TOX: variants seen among roughly 807,000 people sequenced by gnomAD.
TOX encodes thymocyte selection-associated high mobility group box protein TOX.
Under a neutral mutation model 53.7 loss-of-function variants are expected in TOX, and 11 were observed. The ratio of observed to expected loss-of-function variants is 0.20; its 90% CI spans 0.13 to 0.34. The LOEUF is 0.34. Ranked by LOEUF, TOX falls within the 10% of genes least tolerant of loss-of-function variation. The probability of loss-of-function intolerance (pLI) is 1.00; values close to 1 mark genes in which losing one functional copy is unlikely to be tolerated. For synonymous variants in TOX, 225 were observed against 245.3 expected, an observed-to-expected ratio of 0.92 and a Z score of 0.77; for missense variants, 570 against 664.6, an observed-to-expected ratio of 0.86 and a Z score of 1.56.
rs186692656 is a variant in TOX at position 59,017,721 on chromosome 8, T to C, written c.103-57713A>G. Reference sequence around the variant, plus strand: ...TTTTTAACTGCAATTCACCAGGTAATATTATTCTGAGTATTATATTACAAA... The same window carrying C: ...TTTTTAACTGCAATTCACCAGGTAACATTATTCTGAGTATTATATTACAAA... On this transcript the variant is annotated intron_variant, in intron 1 of 8. Coordinates refer to ENST00000361421, the MANE Select transcript of TOX (RefSeq NM_014729.3). Among the ~76,000 whole-genome samples the C allele has an allele frequency of 8.5e-5, 13 of 152,322 alleles. No individual in the cohort carries two copies. In the East Asian group the frequency reaches 2.1e-3, roughly 25 times the overall value.
Position 58,939,507 on chromosome 8 carries a change from T to C in TOX, c.206A>G (p.Asn69Ser). ...GGAAGGAGGAGTAATTGGTGGAATGTTGAAGTCTTCACTTTCCAGGCTTGG... is the reference window on the plus strand; with the variant it reads ...GGAAGGAGGAGTAATTGGTGGAATGCTGAAGTCTTCACTTTCCAGGCTTGG... ...PGPSLESEDF[N>S]IPPITPPSLP... is the part of the protein sequence containing the mutation. Residue 69 changes from asparagine (N) to serine (S), a missense_variant, in exon 3 of 9, where the codon AAC becomes AGC. Around this residue, in one of 3 missense-constraint regions of TOX, gnomAD observed 282 missense variants for 315.0 expected, o/e 0.90. Transcript: ENST00000361421. The C allele has an allele frequency of 1.2e-6, 2 of 1,614,160 alleles. No homozygotes were observed. The highest frequency in any genetic ancestry group is 2.2e-5 in the East Asian group (1 of 44,882).
At chr8:59,035,603 T>TA (rs1814444360) in intron 1 of TOX, among the ~76,000 whole-genome samples, 2 of 152,226 alleles carry the variant, frequency 1.3e-5, no homozygotes, top group Non-Finnish European at 2.9e-5. Context: ...ATCTAATCTC[T>TA]CAGAGCCTAT....
At chr8:58,882,382 G>A (rs1811398070) in intron 3 of TOX, among the ~76,000 whole-genome samples, 1 of 152,200 alleles carries the variant, frequency 6.6e-6, no homozygotes. Flanking sequence ...TAGGAAAATA[G>A]ATAATTTCAT....
intron 1 of TOX, among the ~76,000 whole-genome samples, chr8:59,083,578 T>A (rs1036742989): frequency 6.6e-6 from 1 of 152,158 alleles, no homozygotes; most frequent in Non-Finnish European, 1.5e-5. Context: ...TGGAGAATGA[T>A]TATATTTTAT....
intron 1 of TOX, among the ~76,000 whole-genome samples, chr8:58,979,387 T>C (rs1312334535): frequency 6.6e-6 from 1 of 152,234 alleles, no homozygotes; most frequent in Non-Finnish European, 1.5e-5. Flanking sequence ...CACTTGGCAA[T>C]TATCCTGTTA....
chr8:58,819,513 G>T (rs1480277857), intron 6 of TOX, among the ~76,000 whole-genome samples: 15 of 152,182 alleles, frequency 9.9e-5, no homozygotes, highest in Admixed American at 9.8e-4. Context: ...ATAAAGTGGG[G>T]GTCGTGGCCA....
intron 4 of TOX, among the ~76,000 whole-genome samples, chr8:58,843,274 G>C (rs1257049944): frequency 6.6e-6 from 1 of 152,096 alleles, no homozygotes; most frequent in Non-Finnish European, 1.5e-5. Flanking sequence ...CAATCTAAAG[G>C]ATACACATAA....
At chr8:59,029,543 C>G (rs1039999033) in intron 1 of TOX, among the ~76,000 whole-genome samples, 1 of 151,998 alleles carries the variant, frequency 6.6e-6, no homozygotes, top group African/African-American at 2.4e-5. Context: ...TTAAACCTGG[C>G]AAGGAAAAAG....
intron 3 of TOX, among the ~76,000 whole-genome samples, chr8:58,908,863 T>G (rs1160350384): frequency 1.3e-5 from 2 of 152,262 alleles, no homozygotes; most frequent in Non-Finnish European, 2.9e-5. Flanking sequence ...TGCAGCCTGC[T>G]TAAGGCATGG....
intron 1 of TOX, among the ~76,000 whole-genome samples, chr8:59,066,155 G>C (rs1804089673): frequency 1.3e-5 from 2 of 152,308 alleles, no homozygotes; most frequent in South Asian, 4.1e-4. Context: ...CTGGTCTTGT[G>C]AACAGTAAAA....
rs1810462583 is a variant in TOX at position 58,832,000 on chromosome 8, G to A, written c.925-5098C>T. ...CATCATGGAAAATTTCAAATGAAACGTCTGCTTCCATGGTCTCTGAGCGTA... is the reference window on the plus strand; with the variant it reads ...CATCATGGAAAATTTCAAATGAAACATCTGCTTCCATGGTCTCTGAGCGTA... On this transcript the variant is annotated intron_variant, in intron 5 of 8. Coordinates refer to ENST00000361421, the MANE Select transcript of TOX (RefSeq NM_014729.3). Among the ~76,000 whole-genome samples the A allele has an allele frequency of 2.6e-5, 4 of 151,762 alleles. No homozygotes were observed. The South Asian group carries it at 6.2e-4, about 24-fold the overall frequency.
intron 1 of TOX, among the ~76,000 whole-genome samples, chr8:58,992,379 AT>A (rs200956896): frequency 5.9e-4 from 89 of 151,718 alleles, no homozygotes; most frequent in Non-Finnish European, 1.0e-3. Flanking sequence ...GTACAGATTT[AT>A]TTTTTTTTCC....
intron 4 of TOX, among the ~76,000 whole-genome samples, chr8:58,850,364 C>T (rs1810790690): frequency 6.6e-6 from 1 of 152,174 alleles, no homozygotes; most frequent in Non-Finnish European, 1.5e-5. Context: ...ACAGAGCATG[C>T]CCAGAGCCTT....
chr8:59,046,241 A>G lies in TOX; in HGVS notation c.102+72645T>C, dbSNP rs76428813. Among the ~76,000 whole-genome samples the G allele has an allele frequency of 5.5e-3, 834 of 152,334 alleles. 4 individuals carry two copies. Among genetic ancestry groups the G allele is most frequent in the African/African-American group, 0.019 (798 of 41,570 alleles). On this transcript the variant is annotated intron_variant, in intron 1 of 8. Coordinates refer to ENST00000361421, the MANE Select transcript of TOX (RefSeq NM_014729.3). ...CCTACCATGTGCCAGGCCATTTTAT[A>G]TTCAATATACATACAATAAAAAAGT...
chr8:59,084,784 G>A (rs1804478234), intron 1 of TOX, among the ~76,000 whole-genome samples: 2 of 152,142 alleles, frequency 1.3e-5, no homozygotes, highest in South Asian at 4.1e-4. Flanking sequence ...GTTATTAGTA[G>A]CTCTCTTAGG....
chr8:58,941,439 T>A (rs1171343085), intron 2 of TOX, among the ~76,000 whole-genome samples: 1 of 152,190 alleles, frequency 6.6e-6, no homozygotes, highest in African/African-American at 2.4e-5. Context: ...TTGGAAAAGA[T>A]CAACTCAATA....
intron 3 of TOX, among the ~76,000 whole-genome samples, chr8:58,887,466 A>G (rs1811488029): frequency 6.6e-6 from 1 of 151,646 alleles, no homozygotes. Context: ...CAACTTTTTC[A>G]TTTTCTTTCT....
In TOX at chr8:58,838,180, A is replaced by C. The variant is rs750799322; in HGVS notation, c.825T>G (p.Thr275=). ...GATTTTGGCCCTTGATGGCGGCCTG[A>C]GTATCACGAAAGAATAACGCATAGG... is the stretch of plus-strand genomic sequence containing the variant. ...VSAYALFFRD[T]QAAIKGQNPN... is the part of the protein sequence containing the mutation. The change falls in exon 5 of 9, where the codon ACT becomes ACG. Residue 275 remains threonine (T), a synonymous_variant. Transcript: ENST00000361421. The C allele has an allele frequency of 6.2e-6, 10 of 1,614,168 alleles. No individual in the cohort carries two copies. The highest frequency in any genetic ancestry group is 4.2e-6 in the Non-Finnish European group (5 of 1,180,018).
rs561399851 is a variant in TOX, at chr8:59,040,509, G to A, written c.102+78377C>T. ...TCAAGCTCAACAAACACTAATTTGA[G>A]TGCTAATATTCTGTGCTAAAGGCAC... On this transcript the variant is annotated intron_variant, in intron 1 of 8. Coordinates refer to ENST00000361421, the MANE Select transcript of TOX (RefSeq NM_014729.3). Among the ~76,000 whole-genome samples the A allele has an allele frequency of 1.5e-3, 235 of 152,264 alleles. 1 individual carries two copies. Among genetic ancestry groups the A allele is most frequent in the African/African-American group, 5.5e-3 (229 of 41,564 alleles).
Sources: gnomAD v4.1 joint callset for allele counts (sites outside exome capture counted in the v4.1 genomes callset) on GRCh38, gnomAD v4.1.1 for gene constraint, gnomAD v4.1.1 regional missense constraint, MANE v1.5 for transcripts, NCBI Gene and HGNC (gene_info 2026-07-23, HGNC 2026-07-21) for gene names.